BMF: variants seen among roughly 807,000 people sequenced by gnomAD.
BMF encodes the protein Bcl2 modifying factor, also known as bcl-2-modifying factor.
In BMF, 10 loss-of-function variants were observed where a neutral mutation model predicts 22.0. That is an observed-to-expected ratio of 0.45 (90% CI 0.28 to 0.77). The LOEUF is 0.77. Ranked by LOEUF, BMF falls within the 30% of genes least tolerant of loss-of-function variation. The pLI is 0.13. For missense variants in BMF, 206 were observed against 226.8 expected (o/e 0.91, Z 0.59); for synonymous variants, 87 against 88.1 (o/e 0.99, Z 0.07).
chr15:40,091,871 AT>A lies in BMF; in HGVS notation c.470del (p.Asn157IlefsTer16). 6.2e-7 allele frequency: 1 copy of A among 1,608,300 alleles called. No individual in the cohort carries two copies. The highest frequency in any genetic ancestry group is 8.5e-7 in the Non-Finnish European group (1 of 1,177,502). ...AGAGGAGGATCTGCCACCACACACG[AT>A]TTTGGTTCTGCTGGTGCTGAAGGGA... ...LHVQQHQQNQ[N>X]RVWWQILLFL... On this transcript the variant is annotated frameshift_variant, in exon 5 of 5. Coordinates refer to ENST00000354670, the MANE Select transcript of BMF (RefSeq NM_001003940.2). LOFTEE classifies it high-confidence loss of function.
Position 40,091,733 on chromosome 15 carries a change from C to T in BMF, c.*54G>A, listed in dbSNP as rs1455746615. The T allele has an allele frequency of 3.0e-6, 4 of 1,313,078 alleles. No homozygotes were observed. The South Asian group carries it at 5.1e-5, about 17-fold the overall frequency. 81.3% of individuals were successfully genotyped at this position (1,313,078 alleles called of 1,614,324 possible). A position where few individuals can be genotyped will look rare whatever the true frequency, so the allele number is the denominator to read the frequency against. On this transcript the variant is annotated 3_prime_UTR_variant, in exon 5 of 5. Transcript: ENST00000354670. The stretch of plus-strand genomic sequence containing the variant: ...CACAGTGTCAGTCCTGCCCGATGTC[C>T]TTCCTGTTCCAGACGGTGTTCCTGG...
chr15:40,098,935 C>A (rs570687801), intron 4 of BMF, among the ~76,000 whole-genome samples: 5 of 152,272 alleles, frequency 3.3e-5, no homozygotes, highest in Non-Finnish European at 5.9e-5. Context: ...ATATAGCGAG[C>A]GATATAAACA....
At chr15:40,105,119 C>A (rs1210708713) in intron 3 of BMF, among the ~76,000 whole-genome samples, 1 of 152,222 alleles carries the variant, frequency 6.6e-6, no homozygotes, top group Admixed American at 6.5e-5. Flanking sequence ...TCAATCAGCT[C>A]GTCAGACACA....
At chr15:40,098,646 C>G (rs2036412965) in intron 4 of BMF, among the ~76,000 whole-genome samples, 1 of 152,164 alleles carries the variant, frequency 6.6e-6, no homozygotes, top group Admixed American at 6.5e-5. Flanking sequence ...ATTGTGTGCT[C>G]TGGTCATGGA....
rs1238563658 is a variant in BMF at position 40,091,879 on chromosome 15, T to A, written c.463A>T (p.Asn155Tyr). 1 of 1,607,974 alleles carries A rather than the reference T, an allele frequency of 6.2e-7. No homozygotes were observed. Among genetic ancestry groups the A allele is most frequent in the East Asian group, 2.2e-5 (1 of 44,744 alleles). The part of the protein sequence containing the change: ...HRLHVQQHQQ[N>Y]QNRVWWQILL... The stretch of plus-strand genomic sequence containing the variant: ...ATCTGCCACCACACACGATTTTGGT[T>A]CTGCTGGTGCTGAAGGGAGAAAAAA... Residue 155 changes from asparagine to tyrosine, a missense_variant, in exon 5 of 5, where the codon AAC becomes TAC. Coordinates refer to ENST00000354670, the MANE Select transcript of BMF (RefSeq NM_001003940.2).
rs1172494971 is a variant in BMF at position 40,108,248 on chromosome 15, A to ACACACACACACACC, written c.-6+10_-6+11insGGTGTGTGTGTGTG. On this transcript the variant is annotated intron_variant, in intron 2 of 4. Transcript: ENST00000354670. ...CACACACACACACACACACACACAC[A>ACACACACACACACC]CACCCCAGACCTGGGTGACTCCAGG... The ACACACACACACACC allele has an allele frequency of 7.2e-5, 11 of 153,456 alleles. No individual in the cohort carries two copies. The highest frequency in any genetic ancestry group is 2.7e-4 in the African/African-American group (11 of 40,724). 9.5% of individuals were successfully genotyped at this position (153,456 alleles called of 1,614,324 possible). A position where few individuals can be genotyped will look rare whatever the true frequency, so the allele number is the denominator to read the frequency against.
chr15:40,105,988 G>A lies in BMF; in HGVS notation c.99C>T (p.Asp33=). ...AGTCCAGTAGGCTCTGGGCAAACAGGTCAGCAGAGAGCAAGCTCCCGGGTT... is the reference window on the plus strand; with the variant it reads ...AGTCCAGTAGGCTCTGGGCAAACAGATCAGCAGAGAGCAAGCTCCCGGGTT... ...VTQPGSLLSA[D]LFAQSLLDCP... The change falls in exon 3 of 5, where the codon GAC becomes GAT. Residue 33 remains aspartate (D), a synonymous_variant. Coordinates refer to ENST00000354670, the MANE Select transcript of BMF (RefSeq NM_001003940.2). 4 of 1,614,070 alleles carry A rather than the reference G, an allele frequency of 2.5e-6. No homozygotes were observed. The highest frequency in any genetic ancestry group is 3.4e-6 in the Non-Finnish European group (4 of 1,180,026).
Position 40,106,923 on chromosome 15 carries a change from AG to A in BMF, c.-5-833del, listed in dbSNP as rs1404731795. 6.6e-6 allele frequency among the ~76,000 whole-genome samples: 1 copy of A among 152,162 alleles called. No homozygotes were observed. Among genetic ancestry groups the A allele is most frequent in the Admixed American group, 6.5e-5 (1 of 15,278 alleles). On this transcript the variant is annotated intron_variant, in intron 2 of 4. Transcript: ENST00000354670. The surrounding 1 kb of genome is among the most constrained non-coding windows in gnomAD (Gnocchi z 4.1). ...CACGACTTCAAATCCCTGATTCCAC[AG>A]CCTCCCGCTCCTGCCAGCTCTGAAC... is the stretch of plus-strand genomic sequence containing the variant.
chr15:40,097,335 C>T (rs1184678141), intron 4 of BMF, among the ~76,000 whole-genome samples: 1 of 152,200 alleles, frequency 6.6e-6, no homozygotes. Flanking sequence ...AAGCACCCAA[C>T]TGAGCTAAGA....
chr15:40,093,279 C>T (rs905998637), intron 4 of BMF, among the ~76,000 whole-genome samples: 1 of 151,962 alleles, frequency 6.6e-6, no homozygotes, highest in Non-Finnish European at 1.5e-5. Flanking sequence ...ACGGAATGCC[C>T]CCGTCCATCA....
intron 4 of BMF, among the ~76,000 whole-genome samples, chr15:40,102,529 C>G (rs495654): frequency 0.28 from 43,202 of 151,924 alleles, 6,752 homozygotes; most frequent in Middle Eastern, 0.47. Context: ...TAGTCCTGTG[C>G]CAGGGAGGGC....
At position 40,090,070 on chromosome 15, in the gene BMF, T is replaced by C. The variant is rs1409715685; in HGVS notation, c.*1717A>G. On this transcript the variant is annotated 3_prime_UTR_variant, in exon 5 of 5. Transcript: ENST00000354670. Reference sequence around the variant, plus strand: ...GGTGCTGTGAGCCCATATGGCACCTTTGCAAATTAGGAAAGGCACCCCTTC... The same window carrying C: ...GGTGCTGTGAGCCCATATGGCACCTCTGCAAATTAGGAAAGGCACCCCTTC... 9 of 152,508 alleles carry C rather than the reference T, an allele frequency of 5.9e-5. No individual in the cohort carries two copies. The highest frequency in any genetic ancestry group is 1.3e-4 in the Non-Finnish European group (9 of 68,046). 9.4% of individuals were successfully genotyped at this position (152,508 alleles called of 1,614,324 possible).
rs1031050541 is a variant in BMF, at chr15:40,106,468, G to A, written c.-5-377C>T. 4 of 179,574 alleles carry A rather than the reference G, an allele frequency of 2.2e-5. No homozygotes were observed. Among genetic ancestry groups the A allele is most frequent in the East Asian group, 1.6e-4 (1 of 6,294 alleles). The allele number at this position is 179,574 out of a possible 1,614,324, so 11.1% of individuals were successfully genotyped here. On this transcript the variant is annotated intron_variant, in intron 2 of 4. Coordinates refer to ENST00000354670, the MANE Select transcript of BMF (RefSeq NM_001003940.2). The surrounding 1 kb of genome is among the most constrained non-coding windows in gnomAD (Gnocchi z 4.1). Reference sequence around the variant, plus strand: ...GAAAATATAAACAAGACTAGCCTCTGTAAGTTGCTGTCAAGGGTGCTGTGA... The same window carrying A: ...GAAAATATAAACAAGACTAGCCTCTATAAGTTGCTGTCAAGGGTGCTGTGA...
chr15:40,097,417 A>C (rs1196010741), intron 4 of BMF, among the ~76,000 whole-genome samples: 1 of 152,248 alleles, frequency 6.6e-6, no homozygotes, highest in Admixed American at 6.5e-5. Context: ...TAATGGGGAG[A>C]AGAGCAAGAG....
At chr15:40,098,063 G>A (rs1016361638) in intron 4 of BMF, among the ~76,000 whole-genome samples, 1 of 151,992 alleles carries the variant, frequency 6.6e-6, no homozygotes, top group Non-Finnish European at 1.5e-5. Flanking sequence ...AAACGGAAAA[G>A]GAAAAAAAAG....
In BMF at chr15:40,089,016, C is replaced by G. The variant is rs2036184241; in HGVS notation, c.*2771G>C. 1 of 152,684 alleles carries G rather than the reference C, an allele frequency of 6.5e-6. No individual in the cohort carries two copies. The highest frequency in any genetic ancestry group is 1.5e-5 in the Non-Finnish European group (1 of 68,058). 9.5% of individuals were successfully genotyped at this position (152,684 alleles called of 1,614,324 possible). On this transcript the variant is annotated 3_prime_UTR_variant, in exon 5 of 5. Coordinates refer to ENST00000354670, the MANE Select transcript of BMF (RefSeq NM_001003940.2). ...AGGCTTCCCTTCCTCCCAGGCATTT[C>G]TTTCCCGAGGAGGAAGGTTTCCAGT...
Position 40,106,178 on chromosome 15 carries a change from T to TC in BMF, c.-5-88dup. 1.4e-6 allele frequency: 2 copies of TC among 1,419,666 alleles called. No individual in the cohort carries two copies. The highest frequency in any genetic ancestry group is 2.5e-5 in the Admixed American group (1 of 39,728). 87.9% of individuals were successfully genotyped at this position (1,419,666 alleles called of 1,614,324 possible). ...TCCCCTTCCCTTCTTCCTACCATAC[T>TC]CCCCCTTCTTATTTGAGCTGGCCGG... On this transcript the variant is annotated intron_variant, in intron 2 of 4. Transcript: ENST00000354670. This position sits in a 1 kb window ranked among gnomAD's most constrained non-coding sequence, Gnocchi z 4.1.
chr15:40,107,665 T>A, intron 2 of BMF, among the ~76,000 whole-genome samples: 1 of 151,834 alleles, frequency 6.6e-6, no homozygotes, highest in Non-Finnish European at 1.5e-5. Flanking sequence ...GTCCCGCCAG[T>A]CACCTGGCAG....
intron 4 of BMF, among the ~76,000 whole-genome samples, chr15:40,102,397 C>T (rs182111117): frequency 2.0e-3 from 285 of 143,214 alleles, no homozygotes; most frequent in African/African-American, 7.2e-3. Flanking sequence ...CCACTGCACT[C>T]CAGCCTGGGC....
Sources: allele counts gnomAD v4.1 joint callset (sites outside exome capture counted in the v4.1 genomes callset), GRCh38; gene constraint gnomAD v4.1.1; non-coding constraint Gnocchi (gnomAD v3.1); transcripts MANE v1.5; gene names NCBI Gene and HGNC (gene_info 2026-07-23, HGNC 2026-07-21).